Variants in DOK7 observed in about 807,000 individuals in gnomAD.
DOK7 encodes protein Dok-7.
A neutral mutation model predicts 30.7 loss-of-function variants in DOK7; 32 were observed. That is an observed-to-expected ratio of 1.04 (90% CI 0.79 to 1.40). The LOEUF is 1.40. DOK7 is among the 40% of genes most tolerant of loss of function. DOK7 has a pLI of 0.00. For synonymous variants in DOK7, 447 were observed against 324.1 expected (o/e 1.38, Z -4.07); for missense variants, 1,007 against 699.2 (o/e 1.44, Z -4.97).
chr4:3,466,344 G>A (rs746642356), intron 2 of DOK7, among the ~76,000 whole-genome samples: 6 of 152,172 alleles, frequency 3.9e-5, no homozygotes, highest in African/African-American at 1.4e-4. Flanking sequence ...CGCAGGAGCC[G>A]GGAGCCCCCT....
At chr4:3,470,953 C>T (rs1325193936) in intron 2 of DOK7, among the ~76,000 whole-genome samples, 1 of 152,178 alleles carries the variant, frequency 6.6e-6, no homozygotes, top group Non-Finnish European at 1.5e-5. Context: ...GGTGCCACCA[C>T]CACAGAGCAG....
downstream of DOK7, among the ~76,000 whole-genome samples, chr4:3,499,364 C>A (rs1237574976): frequency 6.6e-6 from 1 of 152,172 alleles, no homozygotes; most frequent in Non-Finnish European, 1.5e-5. Flanking sequence ...GCTGTCACCT[C>A]CCCTGCCTCA....
intron 3 of DOK7, among the ~76,000 whole-genome samples, chr4:3,475,264 C>A (rs554740783): frequency 1.3e-5 from 2 of 152,388 alleles, no homozygotes; most frequent in South Asian, 4.1e-4. Flanking sequence ...CATCCGCTGG[C>A]GCAGGGCCAT....
chr4:3,474,089 TGGAA>T (rs1726930155), intron 3 of DOK7, among the ~76,000 whole-genome samples: 1 of 151,890 alleles, frequency 6.6e-6, no homozygotes, highest in Non-Finnish European at 1.5e-5. Flanking sequence ...TGCTCCCCTG[TGGAA>T]CTGGCCCTGG....
At chr4:3,464,030 A>G (rs939027652) in intron 2 of DOK7, among the ~76,000 whole-genome samples, 2 of 148,056 alleles carry the variant, frequency 1.4e-5, no homozygotes, top group African/African-American at 5.1e-5. Flanking sequence ...CTGGGGGAAC[A>G]GTCCTCTGGG....
intron 7 of DOK7, chr4:3,500,648 G>T: frequency 1.3e-6 from 2 of 1,535,558 alleles, no homozygotes; most frequent in Non-Finnish European, 1.7e-6. Context: ...ACAGGGCTGG[G>T]TGGCTCGGGG....
intron 2 of DOK7, among the ~76,000 whole-genome samples, chr4:3,467,358 T>C (rs1431349727): frequency 6.6e-6 from 1 of 151,100 alleles, no homozygotes; most frequent in Non-Finnish European, 1.5e-5. Context: ...TCCACAGTTA[T>C]TTTTACATCT....
chr4:3,493,430 G>T lies in DOK7; in HGVS notation c.1444G>T (p.Ala482Ser). 2 of 1,603,714 alleles carry T rather than the reference G, an allele frequency of 1.2e-6. No individual in the cohort carries two copies. The highest frequency in any genetic ancestry group is 1.3e-5 in the African/African-American group (1 of 74,874). Reference protein sequence around the residue: ...GEPWEAGGPHAGPPPAFFSAC... With the variant: ...GEPWEAGGPHSGPPPAFFSAC... ...GCCCTGGGAAGCAGGCGGCCCCCAC[G>T]CGGGGCCACCCCCGGCTTTCTTTTC... Residue 482 changes from alanine (A) to serine (S), a missense_variant, in exon 7 of 7, where the codon GCG (alanine) becomes TCG (serine). Transcript: ENST00000340083.
At chr4:3,476,597 G>A (rs1026589077) in intron 4 of DOK7, 55 bp downstream of exon 4, 74 of 1,606,958 alleles carry the variant, frequency 4.6e-5, no homozygotes, top group Non-Finnish European at 5.5e-5. Flanking sequence ...CACTTCCCCT[G>A]AGAACTGCTG....
chr4:3,474,079 T>A (rs1315885838), intron 3 of DOK7, among the ~76,000 whole-genome samples: 1 of 150,666 alleles, frequency 6.6e-6, no homozygotes. Context: ...GGGAAGGGAG[T>A]GCTCCCCTGT....
Position 3,492,848 on chromosome 4 carries a change from T to C in DOK7, c.862T>C (p.Ser288Pro). 6.2e-7 allele frequency: 1 copy of C among 1,611,478 alleles called. No homozygotes were observed. Among genetic ancestry groups the C allele is most frequent in the Non-Finnish European group, 8.5e-7 (1 of 1,179,584 alleles). Residue 288 changes from serine (S) to proline (P), a missense_variant, in exon 7 of 7, where the codon TCC (serine) becomes CCC (proline). Physicochemically the swap from Ser to Pro is moderately conservative, Grantham distance 74. Transcript: ENST00000340083. The part of the protein sequence containing the change: ...SSRLTAWPEQ[S>P]SSSASTSQEG... ...CCGGCTCACCGCATGGCCAGAGCAATCCTCGTCGTCAGCCAGCACGTCACA... is the reference window on the plus strand; with the variant it reads ...CCGGCTCACCGCATGGCCAGAGCAACCCTCGTCGTCAGCCAGCACGTCACA...
chr4:3,463,581 G>T, intron 2 of DOK7, 30 bp downstream of exon 2: 2 of 1,517,894 alleles, frequency 1.3e-6, no homozygotes, highest in Non-Finnish European at 1.8e-6. Context: ...GACGGGGGGC[G>T]CGGGGGTAGC....
Position 3,493,273 on chromosome 4 carries a change from TGCGGCCAGGGACTCAG to T in DOK7, c.1296_1311del (p.Asp433ArgfsTer18), listed in dbSNP as rs778172294. ...CCTCACAGGGCAGCCCCGGCAACAGTGCGGCCAGGGACTCAGGCGGCCAGACGTCCGCCGGGTGTCC... is the reference window on the plus strand; with the variant it reads ...CCTCACAGGGCAGCCCCGGCAACAGTGCGGCCAGACGTCCGCCGGGTGTCC... On this transcript the variant is annotated frameshift_variant, in exon 7 of 7. Coordinates refer to ENST00000340083, the MANE Select transcript of DOK7 (RefSeq NM_173660.5). LOFTEE classifies it low-confidence loss of function (END_TRUNC). 2.5e-5 allele frequency: 40 copies of T among 1,611,174 alleles called. No individual in the cohort carries two copies. Among genetic ancestry groups the T allele is most frequent in the East Asian group, 1.6e-4 (7 of 44,840 alleles).
intron 4 of DOK7, among the ~76,000 whole-genome samples, chr4:3,477,214 C>T (rs57027755): frequency 0.02 from 3,054 of 152,380 alleles, 98 homozygotes; most frequent in African/African-American, 0.064. Context: ...GGTGCAGATG[C>T]GCCAGGTTGC....
intron 2 of DOK7, among the ~76,000 whole-genome samples, chr4:3,472,851 C>G (rs1205825249): frequency 6.7e-6 from 1 of 148,996 alleles, no homozygotes; most frequent in African/African-American, 2.5e-5. Context: ...GGATGGGACC[C>G]AAGGCCCATC....
intron 6 of DOK7, chr4:3,500,143 G>C (rs949149882): frequency 4.5e-6 from 6 of 1,321,010 alleles, no homozygotes; most frequent in Non-Finnish European, 6.2e-6. Flanking sequence ...AGGAGAGGCG[G>C]AGTGGGGAGG....
At chr4:3,476,924 A>T (rs771979114) in intron 4 of DOK7, among the ~76,000 whole-genome samples, 1 of 152,220 alleles carries the variant, frequency 6.6e-6, no homozygotes, top group East Asian at 1.9e-4. Context: ...CCGCAGAAAC[A>T]TATTCTTGGA....
chr4:3,482,050 C>A (rs1727470040), intron 4 of DOK7, among the ~76,000 whole-genome samples: 1 of 152,134 alleles, frequency 6.6e-6, no homozygotes, highest in African/African-American at 2.4e-5. Flanking sequence ...GTCTTCCATG[C>A]TCTTTCCTCT....
intron 6 of DOK7, among the ~76,000 whole-genome samples, chr4:3,490,418 C>T (rs539668925): frequency 1.2e-3 from 21 of 17,502 alleles, no homozygotes; most frequent in African/African-American, 2.1e-3. Context: ...CCCCCCCCAC[C>T]GCCCCGCTCA....
Sources: allele counts gnomAD v4.1 joint callset (sites outside exome capture counted in the v4.1 genomes callset), GRCh38; gene constraint gnomAD v4.1.1; transcripts MANE v1.5; gene names NCBI Gene and HGNC (gene_info 2026-07-23, HGNC 2026-07-21).